FSTL4: variants seen among roughly 807,000 people sequenced by gnomAD.
FSTL4 encodes the protein follistatin-related protein 4.
In FSTL4, 28 loss-of-function variants were observed where a neutral mutation model predicts 78.2. The observed-to-expected ratio is 0.36, with a 90% confidence interval of 0.27 to 0.49. The LOEUF is 0.49. FSTL4 is among the 20% of genes least tolerant of loss of function. The probability of loss-of-function intolerance (pLI) is 0.98; values close to 1 mark genes in which losing one functional copy is unlikely to be tolerated. For synonymous variants in FSTL4, 422 were observed against 440.5 expected (o/e 0.96, Z 0.53); for missense variants, 922 against 1,084.9 (o/e 0.85, Z 2.11).
At chr5:133,353,241 T>G (rs546309377) in intron 4 of FSTL4, among the ~76,000 whole-genome samples, 1 of 152,328 alleles carries the variant, frequency 6.6e-6, no homozygotes, top group East Asian at 1.9e-4. Flanking sequence ...GTTAGCTCCG[T>G]GTTTATGTAA....
chr5:133,384,974 T>A (rs2126955934), intron 4 of FSTL4, among the ~76,000 whole-genome samples: 1 of 152,336 alleles, frequency 6.6e-6, no homozygotes, highest in Non-Finnish European at 1.5e-5. Context: ...CCATTTCTCA[T>A]CATTTAGTAC....
At chr5:133,356,905 G>A (rs1754955499) in intron 4 of FSTL4, among the ~76,000 whole-genome samples, 1 of 152,246 alleles carries the variant, frequency 6.6e-6, no homozygotes, top group East Asian at 1.9e-4. Flanking sequence ...ATCAGGAAGA[G>A]CCTGTGCTGG....
chr5:133,563,250 C>T (rs1312778902), intron 3 of FSTL4, among the ~76,000 whole-genome samples: 1 of 152,158 alleles, frequency 6.6e-6, no homozygotes, highest in Non-Finnish European at 1.5e-5. Context: ...ACCTTCAAGT[C>T]CCACAAATCT....
In FSTL4 at chr5:133,503,669, C is replaced by G. The variant is rs571749179; in HGVS notation, c.160+63517G>C. ...CACTTATGGCTTCTTTTGCCATCCA[C>G]ATGCTGATGACTCCCAAATCTCCAT... On this transcript the variant is annotated intron_variant, in intron 3 of 15. Coordinates refer to ENST00000265342, the MANE Select transcript of FSTL4 (RefSeq NM_015082.2). 3.9e-5 allele frequency among the ~76,000 whole-genome samples: 6 copies of G among 152,362 alleles called. No homozygotes were observed. The East Asian group carries it at 1.2e-3, about 29-fold the overall frequency.
chr5:133,734,029 G>C, the FSTL4 span, among the ~76,000 whole-genome samples: 1 of 152,240 alleles, frequency 6.6e-6, no homozygotes, highest in African/African-American at 2.4e-5. Flanking sequence ...AGAGCACAAA[G>C]TGTAAAGCCA....
At chr5:133,374,221 A>G (rs1229811269) in intron 4 of FSTL4, among the ~76,000 whole-genome samples, 1 of 152,230 alleles carries the variant, frequency 6.6e-6, no homozygotes, top group Non-Finnish European at 1.5e-5. Flanking sequence ...TGATAATTAC[A>G]GGTGGTTAGA....
intron 14 of FSTL4, among the ~76,000 whole-genome samples, chr5:133,207,262 G>GTTGT (rs754750499): frequency 2.1e-4 from 32 of 152,136 alleles, no homozygotes; most frequent in Non-Finnish European, 2.9e-5. Context: ...TATTCGTTAC[G>GTTGT]TTGTTTGTTT....
intron 3 of FSTL4, among the ~76,000 whole-genome samples, chr5:133,444,349 A>C (rs1332576683): frequency 6.6e-6 from 1 of 152,096 alleles, no homozygotes; most frequent in Non-Finnish European, 1.5e-5. Context: ...TGACCAATGA[A>C]GGCCAGTCCT....
In FSTL4 at chr5:133,415,647, G is replaced by T. The variant is rs373569765; in HGVS notation, c.161-14661C>A. On this transcript the variant is annotated intron_variant, in intron 3 of 15. Transcript: ENST00000265342. ...CACGAGGAAAGGGACATCACAAGTG[G>T]GAGGGTGGCTTTGTCGGTCTCCGGT... Among the ~76,000 whole-genome samples the T allele has an allele frequency of 6.6e-5, 10 of 152,244 alleles. No individual in the cohort carries two copies. In the East Asian group the frequency reaches 1.4e-3, roughly 21 times the overall value.
At position 133,225,137 on chromosome 5, in the gene FSTL4, C is replaced by T. The variant is rs1361092422; in HGVS notation, c.1312+13G>A. On this transcript the variant is annotated intron_variant, in intron 10 of 15. Transcript: ENST00000265342. This position sits in a 1 kb window ranked among gnomAD's most constrained non-coding sequence, Gnocchi z 4.6. ...GCCAGCTCAGTGAGAAGCATAAACG[C>T]GTGTCGACTTACGGGTCTTTCTAGC... 7 of 1,614,178 alleles carry T rather than the reference C, an allele frequency of 4.3e-6. No homozygotes were observed. The highest frequency in any genetic ancestry group is 1.1e-5 in the South Asian group (1 of 91,080).
intron 2 of FSTL4, among the ~76,000 whole-genome samples, chr5:133,569,370 A>G (rs1407716263): frequency 6.6e-6 from 1 of 152,224 alleles, no homozygotes; most frequent in African/African-American, 2.4e-5. Context: ...GCATTTCCCC[A>G]TTAAGTGACA....
chr5:133,485,976 T>A (rs1379640743), intron 3 of FSTL4, among the ~76,000 whole-genome samples: 1 of 152,144 alleles, frequency 6.6e-6, no homozygotes, highest in Non-Finnish European at 1.5e-5. Context: ...TTCCCATTGG[T>A]AAATGGGCAT....
At chr5:133,814,811 A>G in the FSTL4 span, among the ~76,000 whole-genome samples, 14 of 152,222 alleles carry the variant, frequency 9.2e-5, no homozygotes, top group Non-Finnish European at 1.9e-4. Context: ...TGGAAAATGG[A>G]GTAAGACAAC....
chr5:133,262,294 C>CTTATCAG (rs1752549811), intron 6 of FSTL4, among the ~76,000 whole-genome samples: 1 of 152,216 alleles, frequency 6.6e-6, no homozygotes, highest in East Asian at 1.9e-4. Flanking sequence ...CAGTAACTTT[C>CTTATCAG]TCCTGATAAG....
At chr5:133,752,674 G>A in the FSTL4 span, among the ~76,000 whole-genome samples, 5 of 151,912 alleles carry the variant, frequency 3.3e-5, no homozygotes, top group Admixed American at 2.0e-4. Context: ...CCTAGCATTC[G>A]TGGAAAATAA....
chr5:133,555,661 T>A (rs2112932685), intron 3 of FSTL4, among the ~76,000 whole-genome samples: 1 of 152,238 alleles, frequency 6.6e-6, no homozygotes. Context: ...CTACTGTTTT[T>A]AAAAAATAAA....
At chr5:133,783,924 G>A in the FSTL4 span, among the ~76,000 whole-genome samples, 2 of 149,384 alleles carry the variant, frequency 1.3e-5, no homozygotes, top group Non-Finnish European at 3.0e-5. Flanking sequence ...TAGCTCACAG[G>A]CAGGAGTTAG....
chr5:133,530,737 C>T (rs550751777), intron 3 of FSTL4, among the ~76,000 whole-genome samples: 1 of 152,340 alleles, frequency 6.6e-6, no homozygotes, highest in South Asian at 2.1e-4. Context: ...GACCCTTCAC[C>T]ATGGAGCCCC....
At chr5:133,728,680 T>G in the FSTL4 span, among the ~76,000 whole-genome samples, 1 of 132,180 alleles carries the variant, frequency 7.6e-6, no homozygotes, top group East Asian at 2.0e-4. Flanking sequence ...CCTTGGAAAT[T>G]GCAACATGGT....
Sources: gnomAD v4.1 joint callset for allele counts (sites outside exome capture counted in the v4.1 genomes callset) on GRCh38, gnomAD v4.1.1 for gene constraint, Gnocchi (gnomAD v3.1) non-coding constraint, MANE v1.5 for transcripts, NCBI Gene and HGNC (gene_info 2026-07-23, HGNC 2026-07-21) for gene names.